PBRM1: variants seen among roughly 807,000 people sequenced by gnomAD.
PBRM1 encodes the protein protein polybromo-1.
PBRM1 carries 27 observed loss-of-function variants against 194.5 expected under a neutral mutation model. That is an observed-to-expected ratio of 0.14 (90% confidence interval 0.10 to 0.19). The LOEUF is 0.19. Ranked by LOEUF, PBRM1 falls within the 10% of genes least tolerant of loss-of-function variation. PBRM1 has a pLI of 1.00. For missense variants in PBRM1, 1,466 were observed against 2,077.2 expected (o/e 0.71, Z 5.72); for synonymous variants, 655 against 693.2 (o/e 0.94, Z 0.87).
intron 7 of PBRM1, among the ~76,000 whole-genome samples, chr3:52,645,589 C>G (rs1392616774): frequency 1.3e-5 from 2 of 151,676 alleles, no homozygotes; most frequent in Non-Finnish European, 2.9e-5. Context: ...CTTGAATTGC[C>G]AGCATCACAA....
chr3:52,640,888 C>G (rs552989793), intron 10 of PBRM1, among the ~76,000 whole-genome samples: 2 of 152,252 alleles, frequency 1.3e-5, no homozygotes, highest in South Asian at 4.1e-4. Context: ...ATCCACCCCC[C>G]TCAGCCTCCC....
rs182731296 is a variant in PBRM1, at chr3:52,637,190, T to C, written c.1088-2375A>G. ...TGTAAGCGGCATCTTTTAAAAAAAC[T>C]GTCAACTGTAATCCTTATACATCTT... On this transcript the variant is annotated intron_variant, in intron 10 of 29. Coordinates refer to ENST00000296302, the Ensembl canonical transcript of PBRM1. 4.0e-3 allele frequency among the ~76,000 whole-genome samples: 611 copies of C among 152,306 alleles called. 3 individuals carry two copies. Among genetic ancestry groups the C allele is most frequent in the South Asian group, 0.023 (110 of 4,834 alleles).
At chr3:52,625,834 T>C (rs1045953212) in intron 13 of PBRM1, among the ~76,000 whole-genome samples, 4 of 152,132 alleles carry the variant, frequency 2.6e-5, no homozygotes, top group Admixed American at 6.6e-5. Flanking sequence ...TGGCTCGGCC[T>C]CCCAAAATGC....
intron 2 of PBRM1, among the ~76,000 whole-genome samples, chr3:52,677,052 TAA>T (rs1294097712): frequency 3.3e-5 from 5 of 152,132 alleles, no homozygotes; most frequent in Non-Finnish European, 7.4e-5. Flanking sequence ...AAGCAGAGCA[TAA>T]AAGTTTGGAA....
intron 4 of PBRM1, among the ~76,000 whole-genome samples, chr3:52,659,278 G>A (rs1188237217): frequency 6.6e-6 from 1 of 152,314 alleles, no homozygotes; most frequent in South Asian, 2.1e-4. Flanking sequence ...GAATGTCTCA[G>A]TCAAGGATTA....
At position 52,609,964 on chromosome 3, in the gene PBRM1, A is replaced by T; in HGVS notation, c.1925-9T>A. ...AATGCCACTCTTCCTACCTAAAGAG[A>T]GATATTTAATGTTAAATGAATAAAA... On this transcript the variant is annotated splice_polypyrimidine_tract_variant and intron_variant, in intron 15 of 29. Coordinates refer to ENST00000296302, the Ensembl canonical transcript of PBRM1. This position sits in a 1 kb window ranked among gnomAD's most constrained non-coding sequence, Gnocchi z 4.1. 1 of 1,441,820 alleles carries T rather than the reference A, an allele frequency of 6.9e-7. No individual in the cohort carries two copies. Among genetic ancestry groups the T allele is most frequent in the South Asian group, 1.5e-5 (1 of 66,112 alleles). 89.3% of individuals were successfully genotyped at this position (1,441,820 alleles called of 1,614,324 possible).
intron 11 of PBRM1, among the ~76,000 whole-genome samples, chr3:52,629,265 T>G (rs2095540863): frequency 6.6e-6 from 1 of 152,082 alleles, no homozygotes; most frequent in African/African-American, 2.4e-5. Context: ...ACTAAAACAC[T>G]ATAAGAAATA....
chr3:52,597,511 G>T (rs765458866), intron 17 of PBRM1, among the ~76,000 whole-genome samples: 1 of 152,142 alleles, frequency 6.6e-6, no homozygotes, highest in African/African-American at 2.4e-5. Flanking sequence ...AGGTTCTTGA[G>T]AATTTTATAC....
chr3:52,567,009 C>T (rs1169074915), intron 22 of PBRM1, among the ~76,000 whole-genome samples: 1 of 144,582 alleles, frequency 6.9e-6, no homozygotes, highest in Non-Finnish European at 1.5e-5. Context: ...GCGGAGGTTG[C>T]AGGGAGCCGA....
chr3:52,592,416 GCCA>G (rs1236546914), intron 17 of PBRM1, among the ~76,000 whole-genome samples: 3 of 152,288 alleles, frequency 2.0e-5, no homozygotes, highest in Middle Eastern at 3.4e-3. Context: ...ACAGGCATGA[GCCA>G]CCACACCTGG....
chr3:52,669,521 C>T lies in PBRM1; in HGVS notation c.237-876G>A, dbSNP rs542379998. ...GGAGACAAGTAAACCTACTGAAAAA[C>T]GATGTGACTATTTTCTCAATTCTCC... On this transcript the variant is annotated intron_variant, in intron 2 of 29. Transcript: ENST00000296302. 2.0e-5 allele frequency among the ~76,000 whole-genome samples: 3 copies of T among 152,086 alleles called. No individual in the cohort carries two copies. The South Asian group carries it at 6.2e-4, about 31-fold the overall frequency.
At chr3:52,673,281 C>T (rs1266400353) in intron 2 of PBRM1, among the ~76,000 whole-genome samples, 1 of 151,734 alleles carries the variant, frequency 6.6e-6, no homozygotes, top group African/African-American at 2.4e-5. Context: ...AGCCACCGCG[C>T]CCAGCCATAA....
intron 22 of PBRM1, among the ~76,000 whole-genome samples, chr3:52,569,171 A>G (rs574747417): frequency 6.6e-6 from 1 of 151,700 alleles, no homozygotes; most frequent in East Asian, 1.9e-4. Flanking sequence ...TGATAACAGG[A>G]GTGAGCCACT....
At chr3:52,617,671 C>G (rs1482504744) in intron 13 of PBRM1, 133 bp from the exon 16 acceptor site, 2 of 648,500 alleles carry the variant, frequency 3.1e-6, no homozygotes, top group African/African-American at 3.7e-5. Flanking sequence ...ACATATGCCA[C>G]AAACACAGTA....
At chr3:52,653,418 C>T (rs2096546860) in intron 5 of PBRM1, among the ~76,000 whole-genome samples, 1 of 151,734 alleles carries the variant, frequency 6.6e-6, no homozygotes, top group South Asian at 2.1e-4. Context: ...GGTGAAACCC[C>T]ATCTCTACTA....
intron 2 of PBRM1, among the ~76,000 whole-genome samples, chr3:52,674,585 TTTGA>T (rs1465930579): frequency 7.0e-6 from 1 of 142,258 alleles, no homozygotes; most frequent in East Asian, 2.0e-4. Context: ...AGCCCAGGAG[TTTGA>T]GACCAGCCTG....
intron 14 of PBRM1, among the ~76,000 whole-genome samples, chr3:52,615,985 A>C (rs1410373332): frequency 6.6e-6 from 1 of 152,186 alleles, no homozygotes; most frequent in East Asian, 1.9e-4. Context: ...GTAGTCAAGA[A>C]TAAGGTTACT....
At chr3:52,586,454 G>T (rs2153763248) in exon 20 of PBRM1, 1 of 1,613,464 alleles carries the variant, frequency 6.2e-7, no homozygotes, top group South Asian at 1.1e-5. Context: ...TCTTCAGCTC[G>T]ACTGTCCTCT....
At chr3:52,622,599 G>A in intron 13 of PBRM1, among the ~76,000 whole-genome samples, 1 of 152,154 alleles carries the variant, frequency 6.6e-6, no homozygotes, top group Admixed American at 6.6e-5. Context: ...GATGTGTGAT[G>A]GCAAATGTGA....
Sources: gnomAD v4.1 joint callset for allele counts (sites outside exome capture counted in the v4.1 genomes callset) on GRCh38, gnomAD v4.1.1 for gene constraint, Gnocchi (gnomAD v3.1) non-coding constraint, MANE v1.5 for transcripts, NCBI Gene and HGNC (gene_info 2026-07-23, HGNC 2026-07-21) for gene names.